DMD: variants seen among roughly 807,000 people sequenced by gnomAD.
DMD encodes dystrophin.
Under a neutral mutation model 330.1 loss-of-function variants are expected in DMD, and 63 were observed. The observed-to-expected ratio is 0.19, with a 90% CI of 0.16 to 0.24. The LOEUF (loss-of-function observed/expected upper bound fraction) is 0.24, where lower values mean the gene tolerates loss of function less well. DMD is among the 10% of genes least tolerant of loss of function. The pLI, the probability that DMD is intolerant of heterozygous loss-of-function variation, is 1.00. For synonymous variants in DMD, 1,223 were observed against 959.8 expected (o/e 1.27, Z -5.07); for missense variants, 3,344 against 2,684.1 (o/e 1.25, Z -5.43).
chrX:32,382,347 T>A (rs746626170), intron 33 of DMD, among the ~76,000 whole-genome samples: 68 of 61,918 alleles, frequency 1.1e-3, no homozygotes, highest in African/African-American at 5.3e-3. Flanking sequence ...TACATATATT[T>A]ATGTCATATA....
upstream of DMD, among the ~76,000 whole-genome samples, chrX:33,211,928 C>T (rs1251576127): frequency 8.9e-6 from 1 of 112,271 alleles, no homozygotes; most frequent in African/African-American, 3.2e-5. Context: ...AAAAATTTCA[C>T]TCTACCAAAT....
chrX:31,998,840 T>G (rs1404021529), intron 44 of DMD, among the ~76,000 whole-genome samples: 1 of 112,266 alleles, frequency 8.9e-6, no homozygotes, highest in Non-Finnish European at 1.9e-5. Context: ...GTGAAATCTT[T>G]TTATTTGAAA....
At chrX:31,961,948 T>C (rs1244216679) in intron 45 of DMD, among the ~76,000 whole-genome samples, 1 of 109,934 alleles carries the variant, frequency 9.1e-6, no homozygotes, top group Non-Finnish European at 1.9e-5. Flanking sequence ...AAGGAGAAGG[T>C]TGGTAGGAAG....
chrX:31,794,582 TA>T (rs2091735249), intron 50 of DMD, among the ~76,000 whole-genome samples: 1 of 112,148 alleles, frequency 8.9e-6, no homozygotes, highest in Admixed American at 9.5e-5. Context: ...TCTTGTTTTT[TA>T]AAATTAAACC....
rs1391958223 is a variant in DMD, at chrX:31,562,189, C to T, written c.8218-54736G>A. Among the ~76,000 whole-genome samples the T allele has an allele frequency of 7.1e-5, 8 of 111,929 alleles. No homozygotes were observed. In the Admixed American group the frequency reaches 7.6e-4, roughly 11 times the overall value. On this transcript the variant is annotated intron_variant, in intron 55 of 78. Coordinates refer to ENST00000357033, the MANE Select transcript of DMD (RefSeq NM_004006.3). ...TTCATTCTGGGATGCCCAAATAATT[C>T]CATAACATATTCAATAATTTCCACA...
At position 32,346,466 on chromosome X, in the gene DMD, A is replaced by G. The variant is rs2097764241; in HGVS notation, c.5449-386T>C. 4.5e-5 allele frequency among the ~76,000 whole-genome samples: 5 copies of G among 111,701 alleles called. No homozygotes were observed. The South Asian group carries it at 1.9e-3, about 41-fold the overall frequency. On this transcript the variant is annotated intron_variant, in intron 38 of 78. Transcript: ENST00000357033. ...ATTTATAATGTTAACTGATCCATAAAGGAATACAGATGTGTATTTGTGACT... is the reference window on the plus strand; with the variant it reads ...ATTTATAATGTTAACTGATCCATAAGGGAATACAGATGTGTATTTGTGACT...
At chrX:31,433,678 C>T (rs1359944840) in intron 60 of DMD, among the ~76,000 whole-genome samples, 2 of 110,430 alleles carry the variant, frequency 1.8e-5, no homozygotes, top group Non-Finnish European at 3.8e-5. Context: ...AGGCTGGTCT[C>T]GAACTCCTAA....
intron 7 of DMD, among the ~76,000 whole-genome samples, chrX:32,798,652 G>T (rs947631084): frequency 9.0e-6 from 1 of 111,411 alleles, no homozygotes. Flanking sequence ...ATTTTCAACT[G>T]CAGAGTTTGA....
chrX:32,636,644 T>G (rs1276799515), intron 11 of DMD, among the ~76,000 whole-genome samples: 1 of 111,999 alleles, frequency 8.9e-6, no homozygotes, highest in Non-Finnish European at 1.9e-5. Context: ...ATTTTCATTT[T>G]GAAAACATAA....
chrX:33,221,170 A>G (rs2052167698), intron 1 of DMD, among the ~76,000 whole-genome samples: 1 of 111,843 alleles, frequency 8.9e-6, no homozygotes, highest in Non-Finnish European at 1.9e-5. Flanking sequence ...GTATTTATTT[A>G]TGAAACATTT....
At chrX:31,530,048 A>G (rs2147470876) in intron 55 of DMD, among the ~76,000 whole-genome samples, 1 of 111,940 alleles carries the variant, frequency 8.9e-6, no homozygotes, top group Non-Finnish European at 1.9e-5. Context: ...TTTACTTTAA[A>G]TTTTCCTTTA....
chrX:33,269,720 A>G (rs2053119390), intron 1 of DMD, among the ~76,000 whole-genome samples: 1 of 111,164 alleles, frequency 9.0e-6, no homozygotes, highest in African/African-American at 3.3e-5. Context: ...TTTGTTTAGT[A>G]GTAGATTTTA....
chrX:32,789,394 A>G (rs771902751), intron 7 of DMD, among the ~76,000 whole-genome samples: 18 of 112,202 alleles, frequency 1.6e-4, no homozygotes, highest in Non-Finnish European at 9.4e-5. Flanking sequence ...ATAAAAGGGC[A>G]TATCTCACAG....
chrX:31,707,186 C>T (rs777357527), intron 52 of DMD, among the ~76,000 whole-genome samples: 239 of 109,507 alleles, frequency 2.2e-3, no homozygotes, highest in Non-Finnish European at 3.3e-3. Flanking sequence ...CCTAAATAGC[C>T]TCTTCATTAT....
At chrX:33,269,980 TCA>T (rs2053124935) in intron 1 of DMD, among the ~76,000 whole-genome samples, 1 of 109,797 alleles carries the variant, frequency 9.1e-6, no homozygotes, top group African/African-American at 3.3e-5. Context: ...ATATATATAA[TCA>T]CAGATTTATA....
At chrX:32,717,561 C>T (rs1394348878) in intron 7 of DMD, among the ~76,000 whole-genome samples, 1 of 111,895 alleles carries the variant, frequency 8.9e-6, no homozygotes, top group Non-Finnish European at 1.9e-5. Flanking sequence ...AGAACCTCTA[C>T]TAGGGCAGTG....
intron 44 of DMD, among the ~76,000 whole-genome samples, chrX:32,120,697 C>T (rs1184602554): frequency 8.9e-6 from 1 of 112,084 alleles, no homozygotes; most frequent in African/African-American, 3.2e-5. Context: ...CCCTAAGCAG[C>T]TGGTTTCCAC....
At chrX:32,637,529 C>T (rs776118990) in intron 11 of DMD, among the ~76,000 whole-genome samples, 2 of 111,835 alleles carry the variant, frequency 1.8e-5, no homozygotes, top group East Asian at 5.6e-4. Context: ...GCACCCCACT[C>T]TCTGCGGTAC....
intron 1 of DMD, among the ~76,000 whole-genome samples, chrX:33,292,579 A>G (rs1395227557): frequency 9.0e-6 from 1 of 110,729 alleles, no homozygotes; most frequent in East Asian, 2.8e-4. Context: ...TAGAAAATCT[A>G]CAAAAAAATA....
Sources: gnomAD v4.1 joint callset for allele counts (sites outside exome capture counted in the v4.1 genomes callset) on GRCh38, gnomAD v4.1.1 for gene constraint, MANE v1.5 for transcripts, NCBI Gene and HGNC (gene_info 2026-07-23, HGNC 2026-07-21) for gene names.